STAG2: variants seen among roughly 807,000 people sequenced by gnomAD.
The protein encoded by STAG2 is cohesin subunit SA-2.
A neutral mutation model predicts 108.1 loss-of-function variants in STAG2; 14 were observed. That is an observed-to-expected ratio of 0.13 (90% CI 0.09 to 0.20). The LOEUF (loss-of-function observed/expected upper bound fraction) is 0.20. STAG2 is among the 10% of genes least tolerant of loss of function. The pLI, the probability that STAG2 is intolerant of heterozygous loss-of-function variation, is 1.00. For synonymous variants in STAG2, 307 were observed against 302.7 expected (o/e 1.01, Z -0.15); for missense variants, 440 against 940.9 (o/e 0.47, Z 6.96).
chrX:124,019,676 C>G (rs1012822107), intron 1 of STAG2, among the ~76,000 whole-genome samples: 1 of 111,517 alleles, frequency 9.0e-6, no homozygotes, highest in Non-Finnish European at 1.9e-5. Flanking sequence ...TGGCTCACGC[C>G]TGTAATCTCA....
chrX:124,072,492 T>C (rs936206690), intron 25 of STAG2, among the ~76,000 whole-genome samples: 1 of 111,431 alleles, frequency 9.0e-6, no homozygotes, highest in East Asian at 2.8e-4. Flanking sequence ...TAGTGAAGTT[T>C]ATATACTTTG....
At chrX:124,071,831 C>T (rs1391241499) in intron 25 of STAG2, among the ~76,000 whole-genome samples, 5 of 110,452 alleles carry the variant, frequency 4.5e-5, no homozygotes, top group South Asian at 3.8e-4. Flanking sequence ...CTGTAAAAGT[C>T]TGGGGCAGTA....
chrX:123,987,335 G>A (rs1478140348), intron 1 of STAG2, among the ~76,000 whole-genome samples: 1 of 108,829 alleles, frequency 9.2e-6, no homozygotes, highest in Non-Finnish European at 1.9e-5. Context: ...TGCAACCTCC[G>A]CCTCCCAAGT....
At chrX:124,031,574 T>C (rs1376939200) in intron 5 of STAG2, among the ~76,000 whole-genome samples, 6 of 107,172 alleles carry the variant, frequency 5.6e-5, no homozygotes, top group Non-Finnish European at 9.6e-5. Context: ...TTTTGTTTTT[T>C]TGTTTTTTTT....
Position 124,068,628 on chromosome X carries a change from C to A in STAG2, c.2330C>A (p.Thr777Asn), listed in dbSNP as rs774965782. ...VFCQICQHYL[T>N]NVNTTVKEQA... ...TGTCAGATATGTCAACATTACCTGA[C>A]CAACGTGAATACTACTGTTAAGGAA... Residue 777 changes from threonine to asparagine, a missense_variant, in exon 24 of 35, where the codon ACC becomes AAC. By Grantham distance (65) the Thr-to-Asn change is moderately conservative (BLOSUM62 0). Coordinates refer to ENST00000371145, the MANE Select transcript of STAG2 (RefSeq NM_001042750.2). 3.4e-6 allele frequency: 4 copies of A among 1,186,669 alleles called. No homozygotes were observed. Among genetic ancestry groups the A allele is most frequent in the Non-Finnish European group, 4.5e-6 (4 of 883,608 alleles).
At chrX:124,037,774 A>G (rs2057564148) in intron 6 of STAG2, 151 bp downstream of exon 6, 1 of 218,838 alleles carries the variant, frequency 4.6e-6, no homozygotes. Flanking sequence ...AAAAGAGCAA[A>G]GGACAAAGTA....
At chrX:124,013,093 A>C (rs765167389) in intron 1 of STAG2, among the ~76,000 whole-genome samples, 1 of 111,572 alleles carries the variant, frequency 9.0e-6, no homozygotes, top group Non-Finnish European at 1.9e-5. Flanking sequence ...TATTGTGCTT[A>C]TATCATGCTG....
chrX:124,021,548 CATA>C (rs1205660016), intron 2 of STAG2, 117 bp downstream of exon 2: 1 of 112,058 alleles, frequency 8.9e-6, no homozygotes, highest in East Asian at 2.8e-4. Context: ...AAAACATAGA[CATA>C]ATACCCTTTC....
chrX:124,063,366 C>T (rs1011845048), intron 19 of STAG2, among the ~76,000 whole-genome samples, 161 bp downstream of exon 19: 21 of 111,434 alleles, frequency 1.9e-4, no homozygotes, highest in African/African-American at 5.5e-4. Flanking sequence ...TACAGAATGG[C>T]GGTAATGATG....
chrX:124,020,380 T>C (rs924593174), intron 1 of STAG2, among the ~76,000 whole-genome samples: 1 of 112,278 alleles, frequency 8.9e-6, no homozygotes, highest in African/African-American at 3.2e-5. Flanking sequence ...ATTTTCATCT[T>C]GCCGTCTAGA....
At chrX:124,049,254 T>G (rs1403808343) in intron 10 of STAG2, among the ~76,000 whole-genome samples, 176 bp downstream of exon 10, 2 of 111,494 alleles carry the variant, frequency 1.8e-5, no homozygotes, top group African/African-American at 6.5e-5. Flanking sequence ...TCATGTGAGT[T>G]TGGTGTTTCC....
chrX:124,022,611 C>T lies in STAG2; in HGVS notation c.-17C>T, dbSNP rs768837844. ...ATATATTTCTGACATTGAGGTGTTC[C>T]AGAAGATGATAAAGAAATGATAGCA... On this transcript the variant is annotated 5_prime_UTR_variant, in exon 3 of 35. Coordinates refer to ENST00000371145, the MANE Select transcript of STAG2 (RefSeq NM_001042750.2). The T allele has an allele frequency of 1.9e-5, 22 of 1,164,240 alleles. No individual in the cohort carries two copies. Among genetic ancestry groups the T allele is most frequent in the Non-Finnish European group, 2.4e-5 (21 of 871,106 alleles).
At chrX:124,016,623 A>T (rs2056740336) in intron 1 of STAG2, among the ~76,000 whole-genome samples, 1 of 111,057 alleles carries the variant, frequency 9.0e-6, no homozygotes, top group African/African-American at 3.3e-5. Context: ...CAGGTCAATA[A>T]TTTTTTCTGT....
intron 30 of STAG2, 102 bp from the exon 31 acceptor site, chrX:124,090,473 C>T: frequency 1.5e-6 from 1 of 687,400 alleles, no homozygotes; most frequent in Non-Finnish European, 2.2e-6. Context: ...CTGTGACTTG[C>T]ATGTGGAAAT....
intron 1 of STAG2, 150 bp from the exon 2 acceptor site, chrX:124,021,217 T>C (rs1330065348): frequency 6.2e-5 from 7 of 112,017 alleles, no homozygotes; most frequent in Non-Finnish European, 7.5e-5. Flanking sequence ...GATGATGTTT[T>C]CTAGAGAGAT....
At chrX:124,054,231 A>G (rs1342029439) in intron 13 of STAG2, among the ~76,000 whole-genome samples, 2 of 112,451 alleles carry the variant, frequency 1.8e-5, no homozygotes, top group African/African-American at 6.5e-5. Flanking sequence ...CACTAGAGGA[A>G]GAATTAAATT....
chrX:124,052,542 C>T (rs764395475), intron 13 of STAG2, among the ~76,000 whole-genome samples: 1 of 112,210 alleles, frequency 8.9e-6, no homozygotes, highest in Non-Finnish European at 1.9e-5. Context: ...TATGTATATT[C>T]CACATTTTAT....
In STAG2 at chrX:124,022,511, T is replaced by C. The variant is rs1044563203; in HGVS notation, c.-97-20T>C. 3 of 561,079 alleles carry C rather than the reference T, an allele frequency of 5.3e-6. No individual in the cohort carries two copies. Among genetic ancestry groups the C allele is most frequent in the Non-Finnish European group, 8.4e-6 (3 of 357,064 alleles). The allele number at this position is 561,079 out of a possible 1,213,427, so 46.2% of individuals were successfully genotyped here. A position where few individuals can be genotyped will look rare whatever the true frequency, so the allele number is the denominator to read the frequency against. On this transcript the variant is annotated intron_variant, in intron 2 of 34. Coordinates refer to ENST00000371145, the MANE Select transcript of STAG2 (RefSeq NM_001042750.2). ...ATTTTTGGTGCATTTGTAATAAATGTCATTTTCTCCTTTTTAAAGGAATTG... is the reference window on the plus strand; with the variant it reads ...ATTTTTGGTGCATTTGTAATAAATGCCATTTTCTCCTTTTTAAAGGAATTG...
intron 1 of STAG2, among the ~76,000 whole-genome samples, chrX:123,969,734 C>T (rs1440712234): frequency 9.1e-6 from 1 of 109,619 alleles, no homozygotes; most frequent in Non-Finnish European, 1.9e-5. Context: ...CAACCTCCGC[C>T]TCCCAGGTTC....
Sources: gnomAD v4.1 joint callset for allele counts (sites outside exome capture counted in the v4.1 genomes callset) on GRCh38, gnomAD v4.1.1 for gene constraint, MANE v1.5 for transcripts, NCBI Gene and HGNC (gene_info 2026-07-23, HGNC 2026-07-21) for gene names.